Variants in NAALADL2 observed in about 807,000 individuals in gnomAD.
NAALADL2 encodes inactive N-acetylated-alpha-linked acidic dipeptidase-like protein 2.
Under a neutral mutation model 87.2 loss-of-function variants are expected in NAALADL2, and 76 were observed. That is an observed-to-expected ratio of 0.87 (90% confidence interval 0.72 to 1.05). The LOEUF is 1.05. Ranked by LOEUF, NAALADL2 falls within the 50% of genes least tolerant of loss-of-function variation. The probability of loss-of-function intolerance (pLI) is 0.00; values close to 1 mark genes in which losing one functional copy is unlikely to be tolerated. For missense variants in NAALADL2, 1,089 were observed against 945.8 expected, an observed-to-expected ratio of 1.15 and a Z score of -1.99; for synonymous variants, 354 against 331.0, an observed-to-expected ratio of 1.07 and a Z score of -0.75.
intron 5 of NAALADL2, among the ~76,000 whole-genome samples, chr3:175,339,721 G>T (rs1335774497): frequency 6.6e-6 from 1 of 152,078 alleles, no homozygotes. Flanking sequence ...AATTTCAGAG[G>T]ACTCATGGAT....
intron 2 of NAALADL2, among the ~76,000 whole-genome samples, chr3:174,727,090 A>C (rs1368609789): frequency 6.6e-6 from 1 of 151,830 alleles, no homozygotes; most frequent in East Asian, 1.9e-4. Flanking sequence ...TAATATCTTA[A>C]TTTTTATTTG....
chr3:175,593,349 C>T (rs1232996638), intron 10 of NAALADL2, among the ~76,000 whole-genome samples: 2 of 152,160 alleles, frequency 1.3e-5, no homozygotes, highest in African/African-American at 4.8e-5. Flanking sequence ...CTTTTCTCTT[C>T]ATAGTGAGTA....
At chr3:174,562,887 AATAGT>A (rs1713796135) in intron 2 of NAALADL2, among the ~76,000 whole-genome samples, 3 of 152,254 alleles carry the variant, frequency 2.0e-5, no homozygotes, top group Non-Finnish European at 2.9e-5. Context: ...CCTTTCTGAA[AATAGT>A]TGGGAATTAA....
chr3:174,455,205 A>G (rs1341952537), intron 1 of NAALADL2, among the ~76,000 whole-genome samples: 1 of 152,208 alleles, frequency 6.6e-6, no homozygotes, highest in Non-Finnish European at 1.5e-5. Context: ...GAACAGACCA[A>G]TAACAAGCTC....
intron 4 of NAALADL2, among the ~76,000 whole-genome samples, chr3:175,273,619 G>A (rs571826288): frequency 1.8e-3 from 268 of 151,862 alleles, no homozygotes; most frequent in African/African-American, 6.0e-3. Flanking sequence ...GGTAAAACTT[G>A]CAAAAATCAA....
At chr3:174,816,172 C>T (rs1360914534) in intron 3 of NAALADL2, among the ~76,000 whole-genome samples, 1 of 151,862 alleles carries the variant, frequency 6.6e-6, no homozygotes, top group Non-Finnish European at 1.5e-5. Flanking sequence ...TAAATATCTT[C>T]TCTTTCCATT....
At chr3:175,492,635 T>C (rs904990973) in intron 9 of NAALADL2, among the ~76,000 whole-genome samples, 12 of 152,146 alleles carry the variant, frequency 7.9e-5, no homozygotes, top group Admixed American at 7.9e-4. Context: ...TTCACATTCA[T>C]TTAACCCATT....
At chr3:175,680,567 G>C (rs540673308) in intron 11 of NAALADL2, among the ~76,000 whole-genome samples, 2 of 152,092 alleles carry the variant, frequency 1.3e-5, no homozygotes, top group African/African-American at 4.8e-5. Context: ...GTTATATGCT[G>C]TACATCCTTG....
At chr3:175,726,906 G>A (rs1743004864) in intron 11 of NAALADL2, among the ~76,000 whole-genome samples, 1 of 152,118 alleles carries the variant, frequency 6.6e-6, no homozygotes. Context: ...GACATCATGA[G>A]TTGCCTTCTT....
chr3:174,927,908 A>T (rs527833508), intron 1 of NAALADL2, among the ~76,000 whole-genome samples: 1 of 152,128 alleles, frequency 6.6e-6, no homozygotes, highest in Non-Finnish European at 1.5e-5. Flanking sequence ...CAAAAAATCA[A>T]TGAATCCAGG....
intron 1 of NAALADL2, among the ~76,000 whole-genome samples, chr3:174,492,038 G>A (rs900500207): frequency 1.3e-5 from 2 of 152,130 alleles, no homozygotes; most frequent in Admixed American, 1.3e-4. Context: ...AGGAGGCCAA[G>A]GTGGGTGGAT....
At chr3:174,779,366 G>C (rs1224041609) in intron 3 of NAALADL2, among the ~76,000 whole-genome samples, 4 of 151,826 alleles carry the variant, frequency 2.6e-5, no homozygotes, top group Non-Finnish European at 5.9e-5. Context: ...TGTAGATTCT[G>C]GACATAAGCC....
intron 1 of NAALADL2, among the ~76,000 whole-genome samples, chr3:175,011,081 C>T (rs1055655457): frequency 6.6e-6 from 1 of 152,048 alleles, no homozygotes; most frequent in Admixed American, 6.6e-5. Context: ...TTATAATTTA[C>T]TGCATAACTC....
chr3:175,017,107 G>A (rs1249587968), intron 1 of NAALADL2, among the ~76,000 whole-genome samples: 1 of 151,920 alleles, frequency 6.6e-6, no homozygotes, highest in African/African-American at 2.4e-5. Context: ...CCCATAGAAT[G>A]GGTGTGGTAG....
intron 2 of NAALADL2, among the ~76,000 whole-genome samples, chr3:174,692,477 A>G (rs1385043745): frequency 6.6e-6 from 1 of 152,144 alleles, no homozygotes; most frequent in Non-Finnish European, 1.5e-5. Context: ...CAATTTCCAT[A>G]AACTTTGGCT....
rs1365320764 is a variant in NAALADL2, at chr3:174,921,718, T to A, written c.43+62268T>A. On this transcript the variant is annotated intron_variant, in intron 1 of 13. Transcript: ENST00000454872. Reference sequence around the variant, plus strand: ...TACTTGAGAGGCTGAGGCAGGAGAATGGCTTGAATCTGGGAGGCAGAGCTT... The same window carrying A: ...TACTTGAGAGGCTGAGGCAGGAGAAAGGCTTGAATCTGGGAGGCAGAGCTT... Among the ~76,000 whole-genome samples, 3 of 145,872 alleles carry A rather than the reference T, an allele frequency of 2.1e-5. No homozygotes were observed. In the South Asian group the frequency reaches 6.4e-4, roughly 31 times the overall value.
chr3:174,570,007 CTA>C (rs1481098631), intron 2 of NAALADL2, among the ~76,000 whole-genome samples: 2 of 152,100 alleles, frequency 1.3e-5, no homozygotes, highest in African/African-American at 4.8e-5. Context: ...TCCCCTAGTG[CTA>C]TCTCTTTTTC....
At chr3:174,778,802 A>G (rs1035638318) in intron 3 of NAALADL2, among the ~76,000 whole-genome samples, 1 of 152,170 alleles carries the variant, frequency 6.6e-6, no homozygotes, top group Non-Finnish European at 1.5e-5. Context: ...TGCAAAGGAC[A>G]TGAACTGATC....
chr3:175,491,211 A>C lies in NAALADL2; in HGVS notation c.1653+19453A>C, dbSNP rs927373451. Among the ~76,000 whole-genome samples the C allele has an allele frequency of 2.9e-4, 41 of 139,712 alleles. 1 individual carries two copies. The East Asian group carries it at 7.5e-3, about 26-fold the overall frequency. 91.7% of individuals were successfully genotyped at this position (139,712 alleles called of 152,430 possible). Reference sequence around the variant, plus strand: ...ATTTTATTGTCCTATAAATATAATAAAATAAATATTATTTTATTGTCCTAT... The same window carrying C: ...ATTTTATTGTCCTATAAATATAATACAATAAATATTATTTTATTGTCCTAT... On this transcript the variant is annotated intron_variant, in intron 9 of 13. Coordinates refer to ENST00000454872, the MANE Select transcript of NAALADL2 (RefSeq NM_207015.3).
Sources: gnomAD v4.1 joint callset for allele counts (sites outside exome capture counted in the v4.1 genomes callset) on GRCh38, gnomAD v4.1.1 for gene constraint, MANE v1.5 for transcripts, NCBI Gene and HGNC (gene_info 2026-07-23, HGNC 2026-07-21) for gene names.